The following ELK4 variants were observed in gnomAD, a reference collection of about 807,000 sequenced individuals.
ELK4 encodes ETS domain-containing protein Elk-4.
In ELK4, 16 loss-of-function variants were observed where a neutral mutation model predicts 29.6. The ratio of observed to expected loss-of-function variants is 0.54; its 90% CI spans 0.37 to 0.82. ELK4 has a LOEUF of 0.82. Among genes scored for constraint, ELK4 ranks in the 40% least tolerant of loss-of-function variants. ELK4 has a pLI of 0.00. For synonymous variants in ELK4, 213 were observed against 191.1 expected (o/e 1.11, Z -0.95); for missense variants, 465 against 507.1 (o/e 0.92, Z 0.80).
At chr1:205,626,165 C>A in intron 1 of ELK4, 1 of 645,560 alleles carries the variant, frequency 1.5e-6, no homozygotes, top group South Asian at 1.4e-5. Flanking sequence ...GCTGCTACCC[C>A]TGAGCTGGAA....
At chr1:205,618,558 T>C (rs1176862954) in intron 4 of ELK4, among the ~76,000 whole-genome samples, 2 of 152,228 alleles carry the variant, frequency 1.3e-5, no homozygotes, top group Non-Finnish European at 2.9e-5. Context: ...GCACAATGGC[T>C]CATGCCTGTA....
At chr1:205,628,648 G>A (rs945996066) in intron 1 of ELK4, among the ~76,000 whole-genome samples, 1 of 152,086 alleles carries the variant, frequency 6.6e-6, no homozygotes, top group African/African-American at 2.4e-5. Flanking sequence ...ACAAATTAAC[G>A]TCTCCATAAT....
chr1:205,626,625 T>C (rs4245717), intron 1 of ELK4, among the ~76,000 whole-genome samples: 139,666 of 152,214 alleles, frequency 0.92, 64,112 homozygotes, highest in East Asian at 0.96. Flanking sequence ...ATCAAAACCA[T>C]CTGAGAAACC....
rs867995036 is a variant in ELK4 at position 205,616,568 on chromosome 1, G to A, written c.1274C>T (p.Ser425Phe). 3.7e-6 allele frequency: 6 copies of A among 1,614,022 alleles called. No individual in the cohort carries two copies. Among genetic ancestry groups the A allele is most frequent in the South Asian group, 1.1e-5 (1 of 91,084 alleles). ...LDGPSTPGPF[S>F]PDLQKT ...AGGTTATGTCTTCTGTAGGTCTGGG[G>A]AAAATGGGCCAGGGGTGGAAGGTCC... Residue 425 changes from serine to phenylalanine, a missense_variant, in exon 5 of 5, where the codon TCC becomes TTC. By Grantham distance (155) the Ser-to-Phe change is radical. Transcript: ENST00000357992.
intron 1 of ELK4, chr1:205,625,769 C>T (rs1670442384): frequency 6.2e-6 from 4 of 648,830 alleles, no homozygotes; most frequent in East Asian, 2.7e-5. Flanking sequence ...ACCTCCGCCT[C>T]CTGGGTTCAA....
At position 205,613,790 on chromosome 1, in the gene ELK4, G is replaced by C. The variant is rs1472447146; in HGVS notation, c.*2756C>G. ...GATGTCTCAAAACCCCATTCAATCT[G>C]CTCCCCTTCCGTAACTTAGGCTACT... On this transcript the variant is annotated 3_prime_UTR_variant, in exon 5 of 5. Coordinates refer to ENST00000357992, the MANE Select transcript of ELK4 (RefSeq NM_001973.4). The C allele has an allele frequency of 5.2e-6, 1 of 192,848 alleles. No individual in the cohort carries two copies. Among genetic ancestry groups the C allele is most frequent in the East Asian group, 8.1e-5 (1 of 12,394 alleles). 11.9% of individuals were successfully genotyped at this position (192,848 alleles called of 1,614,324 possible). A position where few individuals can be genotyped will look rare whatever the true frequency, so the allele number is the denominator to read the frequency against.
chr1:205,623,579 T>G (rs1670395295), intron 2 of ELK4, 97 bp downstream of exon 2: 2 of 1,383,082 alleles, frequency 1.4e-6, no homozygotes, highest in Non-Finnish European at 2.0e-6. Context: ...CCTCCCAAAG[T>G]GCTGGGATTA....
chr1:205,631,216 C>T (rs34851857), intron 1 of ELK4, among the ~76,000 whole-genome samples: 11,699 of 152,260 alleles, frequency 0.077, 629 homozygotes, highest in East Asian at 0.23. Flanking sequence ...GGAAGAAACG[C>T]GGACGGCCGC....
At chr1:205,627,152 C>T (rs933517222) in intron 1 of ELK4, among the ~76,000 whole-genome samples, 4 of 151,914 alleles carry the variant, frequency 2.6e-5, no homozygotes, top group Non-Finnish European at 4.4e-5. Flanking sequence ...GGCTAAAATG[C>T]GGGGAAGAGA....
intron 2 of ELK4, among the ~76,000 whole-genome samples, chr1:205,621,127 G>A (rs1388935669): frequency 1.3e-5 from 2 of 150,112 alleles, no homozygotes; most frequent in Non-Finnish European, 3.0e-5. Flanking sequence ...CCCGGGAGGC[G>A]GAGGTTGCAG....
At chr1:205,617,991 G>A (rs1265211681) in intron 4 of ELK4, among the ~76,000 whole-genome samples, 1 of 120,892 alleles carries the variant, frequency 8.3e-6, no homozygotes, top group African/African-American at 3.0e-5. Context: ...GTGTGAGAGA[G>A]AGAGAGAGCA....
Position 205,620,678 on chromosome 1 carries a change from C to T in ELK4, c.368G>A (p.Gly123Glu). ...AGGCTGAGGTGGTTTATCTTTCCCT[C>T]CATTCTCCACATCTTTGGAACTGCT... ...VSSSSKDVEN[G>E]GKDKPPQPGA... Residue 123 changes from glycine (G) to glutamate (E), a missense_variant, in exon 3 of 5, where the codon GGA (glycine) becomes GAA (glutamate). This residue lies in a region of ELK4 where 385 missense variants were observed against 387.5 expected (regional missense o/e 0.99). Transcript: ENST00000357992. 2 of 1,614,172 alleles carry T rather than the reference C, an allele frequency of 1.2e-6. No individual in the cohort carries two copies. The highest frequency in any genetic ancestry group is 1.7e-6 in the Non-Finnish European group (2 of 1,180,040).
At chr1:205,622,833 A>T (rs1670375860) in intron 2 of ELK4, among the ~76,000 whole-genome samples, 6 of 152,194 alleles carry the variant, frequency 3.9e-5, no homozygotes. Context: ...AATGGGAGTA[A>T]GTTAATAAAT....
rs527284399 is a variant in ELK4 at position 205,610,626 on chromosome 1, C to A, written c.*5920G>T. ...AGTGTATTTCTAAAATGTTGGTGAG[C>A]AATTCATCTTTAAGGCCTACTGAAA... is the stretch of plus-strand genomic sequence containing the variant. On this transcript the variant is annotated 3_prime_UTR_variant, in exon 5 of 5. Transcript: ENST00000357992. The A allele has an allele frequency of 8.7e-6, 2 of 230,248 alleles. No individual in the cohort carries two copies. Among genetic ancestry groups the A allele is most frequent in the Non-Finnish European group, 1.7e-5 (2 of 116,334 alleles). The allele number at this position is 230,248 out of a possible 1,614,324, so 14.3% of individuals were successfully genotyped here.
At chr1:205,629,367 A>G (rs1236417058) in intron 1 of ELK4, among the ~76,000 whole-genome samples, 1 of 152,174 alleles carries the variant, frequency 6.6e-6, no homozygotes, top group Non-Finnish European at 1.5e-5. Flanking sequence ...AGTTAAGTCA[A>G]AACTCTTCAT....
Position 205,613,353 on chromosome 1 carries a change from A to G in ELK4, c.*3193T>C. On this transcript the variant is annotated 3_prime_UTR_variant, in exon 5 of 5. Coordinates refer to ENST00000357992, the MANE Select transcript of ELK4 (RefSeq NM_001973.4). ...TGAAAGATCTCATTTCTAAAAAAAG[A>G]AAAAGAAAAAGATCACTGAAGTCAG... The G allele has an allele frequency of 5.4e-6, 1 of 185,976 alleles. No individual in the cohort carries two copies. The highest frequency in any genetic ancestry group is 2.3e-5 in the African/African-American group (1 of 42,800). 11.5% of individuals were successfully genotyped at this position (185,976 alleles called of 1,614,324 possible). A position where few individuals can be genotyped will look rare whatever the true frequency, so the allele number is the denominator to read the frequency against.
chr1:205,617,268 CAG>C (rs1054730252), intron 4 of ELK4, among the ~76,000 whole-genome samples: 71 of 152,152 alleles, frequency 4.7e-4, no homozygotes, highest in African/African-American at 1.7e-3. Context: ...AAATAAAAAG[CAG>C]AGAGATTTTT....
chr1:205,629,911 G>A (rs952463019), intron 1 of ELK4, among the ~76,000 whole-genome samples: 3 of 151,838 alleles, frequency 2.0e-5, no homozygotes, highest in Non-Finnish European at 4.4e-5. Flanking sequence ...AAAATTAGCC[G>A]GGTATGGTAG....
rs1316480613 is a variant in ELK4, at chr1:205,615,822, C to T, written c.*724G>A. 2 of 211,772 alleles carry T rather than the reference C, an allele frequency of 9.4e-6. No individual in the cohort carries two copies. Among genetic ancestry groups the T allele is most frequent in the Non-Finnish European group, 1.9e-5 (2 of 104,626 alleles). The allele number at this position is 211,772 out of a possible 1,614,324, so 13.1% of individuals were successfully genotyped here. A position where few individuals can be genotyped will look rare whatever the true frequency, so the allele number is the denominator to read the frequency against. On this transcript the variant is annotated 3_prime_UTR_variant, in exon 5 of 5. Coordinates refer to ENST00000357992, the MANE Select transcript of ELK4 (RefSeq NM_001973.4). ...AGGTGTTCCAAAAACTGTCTTAAAC[C>T]CCAGGTCTAAAAATCTTTCTATAGT... is the stretch of plus-strand genomic sequence containing the variant.
Sources: allele counts gnomAD v4.1 joint callset (sites outside exome capture counted in the v4.1 genomes callset), GRCh38; gene constraint gnomAD v4.1.1; regional missense constraint gnomAD v4.1.1; transcripts MANE v1.5; gene names NCBI Gene and HGNC (gene_info 2026-07-23, HGNC 2026-07-21).